Variants in OPRD1 observed in about 807,000 individuals in gnomAD.
OPRD1 encodes the protein delta-type opioid receptor.
A neutral mutation model predicts 17.5 loss-of-function variants in OPRD1; 19 were observed. The ratio of observed to expected loss-of-function variants is 1.09; its 90% CI spans 0.76 to 1.60. The LOEUF is 1.60. OPRD1 is among the 40% of genes most tolerant of loss of function. The probability of loss-of-function intolerance (pLI) is 0.00; values close to 1 mark genes in which losing one functional copy is unlikely to be tolerated. For missense variants in OPRD1, 483 were observed against 547.2 expected (o/e 0.88, Z 1.17); for synonymous variants, 256 against 240.9 (o/e 1.06, Z -0.58).
chr1:28,819,498 A>G (rs1282295320), intron 1 of OPRD1, among the ~76,000 whole-genome samples: 1 of 152,152 alleles, frequency 6.6e-6, no homozygotes, highest in Non-Finnish European at 1.5e-5. Flanking sequence ...GTCACTGAGA[A>G]CACTGAAAAG....
chr1:28,837,730 C>T lies in OPRD1; in HGVS notation c.228-21224C>T, dbSNP rs2088865088. Among the ~76,000 whole-genome samples the T allele has an allele frequency of 2.6e-5, 4 of 151,084 alleles. 1 individual carries two copies. The South Asian group carries it at 8.5e-4, about 32-fold the overall frequency. ...TTTTATGGAGAGTCTCACCGTATTG[C>T]CCAGGCTGGTCTTGAACTCCTGGAC... On this transcript the variant is annotated intron_variant, in intron 1 of 2. Coordinates refer to ENST00000234961, the MANE Select transcript of OPRD1 (RefSeq NM_000911.4).
At chr1:28,837,694 C>T (rs1042655941) in intron 1 of OPRD1, among the ~76,000 whole-genome samples, 2 of 150,702 alleles carry the variant, frequency 1.3e-5, no homozygotes, top group African/African-American at 2.4e-5. Flanking sequence ...AAAAATGGTT[C>T]GGGACCCCTC....
intron 1 of OPRD1, among the ~76,000 whole-genome samples, chr1:28,836,335 G>C (rs1163873428): frequency 6.6e-6 from 1 of 151,992 alleles, no homozygotes; most frequent in African/African-American, 2.4e-5. Flanking sequence ...CCAATATGGT[G>C]ATACCCCGTC....
intron 1 of OPRD1, among the ~76,000 whole-genome samples, chr1:28,854,500 C>T (rs1196310461): frequency 6.6e-5 from 10 of 151,984 alleles, no homozygotes; most frequent in East Asian, 1.9e-4. Context: ...GGATTACAGG[C>T]GTGAGCCACC....
In OPRD1 at chr1:28,827,474, C is replaced by T. The variant is rs910892674; in HGVS notation, c.227+14864C>T. On this transcript the variant is annotated intron_variant, in intron 1 of 2. Transcript: ENST00000234961. ...TCTCCTGAGTAGCTGGTAGTACAGG[C>T]GCATGCCATTGCGCCTAGCTTCAAG... Among the ~76,000 whole-genome samples, 5 of 151,548 alleles carry T rather than the reference C, an allele frequency of 3.3e-5. No homozygotes were observed. The South Asian group carries it at 1.0e-3, about 32-fold the overall frequency.
chr1:28,835,969 A>G (rs1329671119), intron 1 of OPRD1, among the ~76,000 whole-genome samples: 2 of 152,174 alleles, frequency 1.3e-5, no homozygotes, highest in East Asian at 1.9e-4. Context: ...TATGGAGCAC[A>G]TGGCTGCCAC....
chr1:28,856,931 T>C (rs1317160524), intron 1 of OPRD1, among the ~76,000 whole-genome samples: 1 of 151,894 alleles, frequency 6.6e-6, no homozygotes, highest in Non-Finnish European at 1.5e-5. Context: ...TGCAGAGAGG[T>C]GAGTCCAGTT....
intron 1 of OPRD1, among the ~76,000 whole-genome samples, chr1:28,826,814 G>T (rs2088772351): frequency 6.6e-6 from 1 of 152,304 alleles, no homozygotes; most frequent in East Asian, 1.9e-4. Flanking sequence ...TTTCATGAAA[G>T]ATTTCTCTGT....
At chr1:28,837,483 A>G (rs1569625704) in intron 1 of OPRD1, among the ~76,000 whole-genome samples, 1 of 151,886 alleles carries the variant, frequency 6.6e-6, no homozygotes, top group East Asian at 1.9e-4. Context: ...CCCTGTCTCT[A>G]CTAAAAATAC....
chr1:28,831,369 C>T (rs766122373), intron 1 of OPRD1, among the ~76,000 whole-genome samples: 11 of 152,064 alleles, frequency 7.2e-5, no homozygotes, highest in Non-Finnish European at 1.5e-4. Context: ...ATTAGCCGGG[C>T]GTGGTGGCGT....
At position 28,858,979 on chromosome 1, in the gene OPRD1, A is replaced by G. The variant is rs1357270826; in HGVS notation, c.253A>G (p.Asn85Asp). 1 of 1,612,156 alleles carries G rather than the reference A, an allele frequency of 6.2e-7. No individual in the cohort carries two copies. The highest frequency in any genetic ancestry group is 8.5e-7 in the Non-Finnish European group (1 of 1,179,672). ...GTACACTAAGATGAAGACGGCCACC[A>G]ACATCTACATCTTCAACCTGGCCTT... ...VRYTKMKTAT[N>D]IYIFNLALAD... The change falls in exon 2 of 3, where the codon AAC (asparagine) becomes GAC (aspartate). Residue 85 changes from asparagine (N) to aspartate (D), a missense_variant. Asn to Asp is a conservative substitution (Grantham distance 23). Transcript: ENST00000234961.
intron 1 of OPRD1, among the ~76,000 whole-genome samples, chr1:28,828,507 C>G (rs2088784710): frequency 1.3e-5 from 2 of 152,004 alleles, no homozygotes; most frequent in South Asian, 4.2e-4. Flanking sequence ...AATTTAAAGT[C>G]ACCAGCTGCA....
chr1:28,829,583 G>A (rs2088795340), intron 1 of OPRD1, among the ~76,000 whole-genome samples: 1 of 152,120 alleles, frequency 6.6e-6, no homozygotes, highest in African/African-American at 2.4e-5. Context: ...TGGCCAGGCT[G>A]GTCTCGAACT....
intron 1 of OPRD1, among the ~76,000 whole-genome samples, chr1:28,844,170 T>G (rs1037945490): frequency 7.2e-4 from 110 of 152,194 alleles, no homozygotes; most frequent in Middle Eastern, 3.4e-3. Flanking sequence ...TTCTGTTTTT[T>G]TTTTTTTTTT....
In OPRD1 at chr1:28,869,106, G is replaced by C. The variant is rs1049594660; in HGVS notation, c.*5823G>C. The C allele has an allele frequency of 6.6e-6, 1 of 152,286 alleles. No individual in the cohort carries two copies. Among genetic ancestry groups the C allele is most frequent in the African/African-American group, 2.4e-5 (1 of 41,428 alleles). The allele number at this position is 152,286 out of a possible 1,614,324, so 9.4% of individuals were successfully genotyped here. The stretch of plus-strand genomic sequence containing the variant: ...AGGAAGTGACCACCCCCCATCCCTG[G>C]CACCCAGATCCTGGCCCCTGCACTC... On this transcript the variant is annotated 3_prime_UTR_variant, in exon 3 of 3. Coordinates refer to ENST00000234961, the MANE Select transcript of OPRD1 (RefSeq NM_000911.4).
chr1:28,837,382 G>A (rs1000983689), intron 1 of OPRD1, among the ~76,000 whole-genome samples: 2 of 152,138 alleles, frequency 1.3e-5, no homozygotes, highest in Admixed American at 6.5e-5. Context: ...AGGTGCAGTG[G>A]CTCACACCAG....
At chr1:28,858,835 C>A in intron 1 of OPRD1, 119 bp from the exon 2 acceptor site, 1 of 975,590 alleles carries the variant, frequency 1.0e-6, no homozygotes, top group Non-Finnish European at 1.6e-6. Context: ...TGTGAGGCAC[C>A]ATGCCTAGCC....
chr1:28,816,223 G>C (rs930586342), intron 1 of OPRD1, among the ~76,000 whole-genome samples: 13 of 152,124 alleles, frequency 8.5e-5, no homozygotes, highest in Non-Finnish European at 5.9e-5. Flanking sequence ...ACAGACATTC[G>C]TCAGCCAGTC....
At chr1:28,846,259 T>C (rs141948384) in intron 1 of OPRD1, among the ~76,000 whole-genome samples, 1 of 152,302 alleles carries the variant, frequency 6.6e-6, no homozygotes, top group Non-Finnish European at 1.5e-5. Flanking sequence ...GCAGAAATGT[T>C]GCTGTGTCTT....
Sources: gnomAD v4.1 joint callset for allele counts (sites outside exome capture counted in the v4.1 genomes callset) on GRCh38, gnomAD v4.1.1 for gene constraint, MANE v1.5 for transcripts, NCBI Gene and HGNC (gene_info 2026-07-23, HGNC 2026-07-21) for gene names.